Variants in RBFOX1 observed in about 807,000 individuals in gnomAD.
The protein encoded by RBFOX1 is RNA binding fox-1 homolog 1, also known as RNA binding protein fox-1 homolog 1.
In RBFOX1, 8 loss-of-function variants were observed where a neutral mutation model predicts 57.7. The observed-to-expected ratio is 0.14, with a 90% confidence interval of 0.08 to 0.25. The LOEUF (loss-of-function observed/expected upper bound fraction) is 0.25. Ranked by LOEUF, RBFOX1 falls within the 10% of genes least tolerant of loss-of-function variation. The pLI, the probability that RBFOX1 is intolerant of heterozygous loss-of-function variation, is 1.00. For missense variants in RBFOX1, 611 were observed against 548.5 expected, an observed-to-expected ratio of 1.11 and a Z score of -1.14; for synonymous variants, 326 against 222.4, an observed-to-expected ratio of 1.47 and a Z score of -4.15.
chr16:6,978,810 G>T lies in RBFOX1; in HGVS notation c.-15-73247G>T, dbSNP rs765195069. Among the ~76,000 whole-genome samples the T allele has an allele frequency of 3.3e-5, 5 of 152,192 alleles. 1 individual carries two copies. The highest frequency in any genetic ancestry group is 9.6e-5 in the African/African-American group (4 of 41,460). On this transcript the variant is annotated intron_variant, in intron 3 of 15. Transcript: ENST00000550418. ...TCATGCTCTGTGGCTACAATACATT[G>T]CCTATATCGGGTAACAAATGCCTTC...
chr16:7,614,375 T>G (rs775542960), intron 10 of RBFOX1: 2 of 152,170 alleles, frequency 1.3e-5, no homozygotes, highest in African/African-American at 2.4e-5. Context: ...CTTATCAGAT[T>G]TTATTCCAGC....
In RBFOX1 at chr16:5,729,324, G is replaced by C. The variant is rs910328092; in HGVS notation, c.318+130363G>C. On this transcript the variant is annotated intron_variant, in intron 3 of 19. Transcript: ENST00000641259. ...AGCAAGTCAGAAGTTTCTCTTGAAG[G>C]CTGCAACACTGGAAAGCATTTTGCA... Among the ~76,000 whole-genome samples, 4 of 151,822 alleles carry C rather than the reference G, an allele frequency of 2.6e-5. No individual in the cohort carries two copies. The East Asian group carries it at 5.8e-4, about 22-fold the overall frequency.
rs574168040 is a variant in RBFOX1, at chr16:5,659,342, C to T, written c.318+60381C>T. 1.9e-4 allele frequency among the ~76,000 whole-genome samples: 26 copies of T among 138,066 alleles called. No individual in the cohort carries two copies. In the East Asian group the frequency reaches 2.2e-3, roughly 12 times the overall value. The allele number at this position is 138,066 out of a possible 152,430, so 90.6% of individuals were successfully genotyped here. On this transcript the variant is annotated intron_variant, in intron 3 of 19. Coordinates refer to the RBFOX1 transcript ENST00000641259. ...TTTTTGAGATGGAGTCTCACTCTGTCGCCCAGGCTGGAGTGCAGTGGCGCC... is the reference window on the plus strand; with the variant it reads ...TTTTTGAGATGGAGTCTCACTCTGTTGCCCAGGCTGGAGTGCAGTGGCGCC...
chr16:6,194,965 A>G (rs979916993), intron 1 of RBFOX1, among the ~76,000 whole-genome samples: 17 of 152,172 alleles, frequency 1.1e-4, no homozygotes, highest in African/African-American at 3.6e-4. Context: ...TATTTAACTT[A>G]CTCTGTGATG....
At chr16:5,632,780 T>A (rs2151308042) in intron 3 of RBFOX1, among the ~76,000 whole-genome samples, 1 of 152,304 alleles carries the variant, frequency 6.6e-6, no homozygotes, top group East Asian at 1.9e-4. Context: ...TGGTCATGAA[T>A]GAGCCTTCCT....
intron 3 of RBFOX1, among the ~76,000 whole-genome samples, chr16:6,717,610 G>T (rs1237383221): frequency 1.3e-5 from 2 of 151,042 alleles, no homozygotes; most frequent in Admixed American, 1.3e-4. Flanking sequence ...CCAGAAATAC[G>T]GTGATTTTTT....
At chr16:7,430,174 A>G (rs555159212) in intron 4 of RBFOX1, among the ~76,000 whole-genome samples, 17 of 152,330 alleles carry the variant, frequency 1.1e-4, no homozygotes, top group Admixed American at 9.8e-4. Flanking sequence ...ACATTTAAAT[A>G]TTTTTGGATA....
At chr16:6,812,194 C>T (rs954543455) in intron 3 of RBFOX1, among the ~76,000 whole-genome samples, 3 of 152,118 alleles carry the variant, frequency 2.0e-5, no homozygotes, top group African/African-American at 7.2e-5. Flanking sequence ...TATTTGTCCT[C>T]CTGTTAGAAT....
intron 4 of RBFOX1, among the ~76,000 whole-genome samples, chr16:7,367,377 G>C (rs1322179102): frequency 6.6e-6 from 1 of 152,162 alleles, no homozygotes; most frequent in African/African-American, 2.4e-5. Flanking sequence ...CTGTCATTTT[G>C]GCTAGTCTTC....
At chr16:5,844,957 A>G (rs1041767263) in intron 3 of RBFOX1, among the ~76,000 whole-genome samples, 8 of 152,184 alleles carry the variant, frequency 5.3e-5, no homozygotes, top group African/African-American at 1.9e-4. Context: ...TTCAATTAGC[A>G]GGAATTGTGA....
chr16:7,159,818 A>T (rs2077921118), intron 4 of RBFOX1, among the ~76,000 whole-genome samples: 1 of 152,206 alleles, frequency 6.6e-6, no homozygotes, highest in Non-Finnish European at 1.5e-5. Flanking sequence ...CACCTGTACC[A>T]ACAGAATGTT....
At chr16:6,419,175 A>G (rs542170689) in intron 2 of RBFOX1, among the ~76,000 whole-genome samples, 5 of 152,306 alleles carry the variant, frequency 3.3e-5, no homozygotes, top group African/African-American at 1.2e-4. Flanking sequence ...TGTGACACAC[A>G]TTTTGACTTC....
chr16:5,669,378 C>A (rs1285808179), intron 3 of RBFOX1, among the ~76,000 whole-genome samples: 1 of 151,412 alleles, frequency 6.6e-6, no homozygotes, highest in East Asian at 1.9e-4. Flanking sequence ...GGTCAGAAAC[C>A]CACCCGTAGA....
At chr16:7,703,564 C>A (rs548205559) in intron 14 of RBFOX1, among the ~76,000 whole-genome samples, 2 of 152,302 alleles carry the variant, frequency 1.3e-5, no homozygotes, top group African/African-American at 2.4e-5. Flanking sequence ...AATTAGTGTT[C>A]TTACTGTGGC....
intron 3 of RBFOX1, among the ~76,000 whole-genome samples, chr16:5,772,631 C>A (rs1008304196): frequency 6.6e-6 from 1 of 152,040 alleles, no homozygotes; most frequent in African/African-American, 2.4e-5. Context: ...AGGATGGTGG[C>A]GGTGATCTAT....
chr16:7,463,665 C>T (rs577640275), intron 4 of RBFOX1, among the ~76,000 whole-genome samples: 1 of 152,158 alleles, frequency 6.6e-6, no homozygotes, highest in Non-Finnish European at 1.5e-5. Context: ...ATAGCAGTCA[C>T]CTTTGCCATG....
intron 4 of RBFOX1, among the ~76,000 whole-genome samples, chr16:6,013,137 A>G (rs1406786777): frequency 6.6e-6 from 1 of 152,188 alleles, no homozygotes; most frequent in African/African-American, 2.4e-5. Flanking sequence ...TGTTTAGCTC[A>G]CATAGTTATT....
intron 3 of RBFOX1, among the ~76,000 whole-genome samples, chr16:6,778,891 G>A (rs895227200): frequency 6.6e-6 from 1 of 151,438 alleles, no homozygotes; most frequent in Non-Finnish European, 1.5e-5. Flanking sequence ...AATTTTTATG[G>A]TTATGGAAGA....
chr16:7,095,150 T>TGCCCAGGCTGGAGTTTCACTCTGTC (rs1567234008), intron 4 of RBFOX1, among the ~76,000 whole-genome samples: 1 of 152,180 alleles, frequency 6.6e-6, no homozygotes, highest in Non-Finnish European at 1.5e-5. Context: ...CCCACTCTGT[T>TGCCCAGGCTGGAGTTTCACTCTGTC]GCCCAGGCTG....
Sources: allele counts gnomAD v4.1 joint callset (sites outside exome capture counted in the v4.1 genomes callset), GRCh38; gene constraint gnomAD v4.1.1; transcripts MANE v1.5; gene names NCBI Gene and HGNC (gene_info 2026-07-23, HGNC 2026-07-21).